Variants in PKD1L1 observed in about 807,000 individuals in gnomAD.
PKD1L1 encodes the protein polycystin-1-like protein 1.
Under a neutral mutation model 323.4 loss-of-function variants are expected in PKD1L1, and 236 were observed. That is an observed-to-expected ratio of 0.73 (90% CI 0.66 to 0.81). PKD1L1 has a LOEUF of 0.81. Among genes scored for constraint, PKD1L1 ranks in the 40% least tolerant of loss-of-function variants. PKD1L1 has a pLI of 0.00. For missense variants in PKD1L1, 3,320 were observed against 3,508.0 expected (o/e 0.95, Z 1.35); for synonymous variants, 1,344 against 1,335.0 (o/e 1.01, Z -0.15).
rs556760870 is a variant in PKD1L1 at position 47,865,986 on chromosome 7, C to T, written c.4092+433G>A. Among the ~76,000 whole-genome samples, 3 of 152,214 alleles carry T rather than the reference C, an allele frequency of 2.0e-5. No homozygotes were observed. The South Asian group carries it at 6.2e-4, about 32-fold the overall frequency. On this transcript the variant is annotated intron_variant, in intron 25 of 56. Transcript: ENST00000289672. ...AAGTTGTAATGAAATAAGATATATT[C>T]TTTGTAGATGTGAATATTCTCTATT...
rs145419270 is a variant in PKD1L1, at chr7:47,875,086, C to T, written c.3784+1011G>A. Among the ~76,000 whole-genome samples, 729 of 152,286 alleles carry T rather than the reference C, an allele frequency of 4.8e-3. 6 individuals are homozygous for T. Among genetic ancestry groups the T allele is most frequent in the African/African-American group, 0.017 (703 of 41,550 alleles). ...CCTTCTATTGGAACATTTGCCCAGC[C>T]TAAGTCTCACATAACCCCGTACGCA... On this transcript the variant is annotated intron_variant, in intron 23 of 56. Coordinates refer to ENST00000289672, the MANE Select transcript of PKD1L1 (RefSeq NM_138295.5).
chr7:47,902,734 G>A (rs1238808992), intron 12 of PKD1L1, among the ~76,000 whole-genome samples: 1 of 152,156 alleles, frequency 6.6e-6, no homozygotes, highest in African/African-American at 2.4e-5. Flanking sequence ...GCCAGGCCAA[G>A]TACCAAACTC....
chr7:47,911,545 C>A (rs191264235), intron 8 of PKD1L1, among the ~76,000 whole-genome samples: 1 of 152,082 alleles, frequency 6.6e-6, no homozygotes, highest in Admixed American at 6.5e-5. Context: ...TAGAGCAAGT[C>A]CTGATGTGAA....
chr7:47,939,964 C>T (rs904647060), intron 3 of PKD1L1, among the ~76,000 whole-genome samples: 1 of 152,232 alleles, frequency 6.6e-6, no homozygotes, highest in African/African-American at 2.4e-5. Flanking sequence ...AGGGCTATCC[C>T]CTACTCCTCT....
intron 28 of PKD1L1, among the ~76,000 whole-genome samples, chr7:47,855,875 C>CAAAAAAAAAAAAAAAAA (rs536157879): frequency 3.1e-5 from 1 of 32,548 alleles, no homozygotes; most frequent in African/African-American, 2.7e-4. Context: ...GACTCCGTCT[C>CAAAAAAAAAAAAAAAAA]AAAAAAAAAA....
At chr7:47,892,681 C>T (rs1786847536) in intron 15 of PKD1L1, among the ~76,000 whole-genome samples, 1 of 152,102 alleles carries the variant, frequency 6.6e-6, no homozygotes, top group Non-Finnish European at 1.5e-5. Context: ...CAAAACTGCA[C>T]TCATATCCCC....
Position 47,866,446 on chromosome 7 carries a change from T to C in PKD1L1, c.4065A>G (p.Ser1355=), listed in dbSNP as rs146886853. 6.2e-7 allele frequency: 1 copy of C among 1,613,572 alleles called. No homozygotes were observed. Among genetic ancestry groups the C allele is most frequent in the African/African-American group, 1.3e-5 (1 of 74,916 alleles). The change falls in exon 25 of 57, where the codon TCA becomes TCG. Residue 1355 remains serine, a synonymous_variant. Transcript: ENST00000289672. Reference sequence around the variant, plus strand: ...GATCTACAAAAGCCAATCTGCATACTGAAGAAATTAATGCATCCTGTATTC... The same window carrying C: ...GATCTACAAAAGCCAATCTGCATACCGAAGAAATTAATGCATCCTGTATTC... ...WSRIQDALIS[S]VCRLAFVDQE...
Position 47,837,058 on chromosome 7 carries a change from A to G in PKD1L1, c.5806T>C (p.Phe1936Leu), listed in dbSNP as rs145603221. ...CTGTACACCGACAGCCAGACATGGA[A>G]ATCCTCCAGGTACTCTGTGAACTTG... ...YCKFTEYLEDFHVWLSVYSRP... is the reference protein window; with the variant it reads ...YCKFTEYLEDLHVWLSVYSRP... The change falls in exon 37 of 57, where the codon TTC becomes CTC. Residue 1936 changes from phenylalanine to leucine, a missense_variant. Phe to Leu is a conservative substitution (Grantham distance 22). Transcript: ENST00000289672. The G allele has an allele frequency of 3.1e-6, 5 of 1,614,082 alleles. No homozygotes were observed. The African/African-American group carries it at 5.3e-5, about 17-fold the overall frequency.
intron 42 of PKD1L1, 38 bp downstream of exon 42, chr7:47,831,179 T>C (rs1785341249): frequency 6.3e-7 from 1 of 1,587,252 alleles, no homozygotes; most frequent in Middle Eastern, 1.7e-4. Context: ...ACTTTCCATC[T>C]GAGGACCTGA....
chr7:47,783,719 A>G (rs1156480993), intron 56 of PKD1L1, among the ~76,000 whole-genome samples: 1 of 152,212 alleles, frequency 6.6e-6, no homozygotes, highest in Non-Finnish European at 1.5e-5. Flanking sequence ...CAGATCCTTC[A>G]CCAGGGCCTT....
chr7:47,833,873 G>T (rs1785400269), intron 40 of PKD1L1, among the ~76,000 whole-genome samples: 1 of 152,180 alleles, frequency 6.6e-6, no homozygotes, highest in Admixed American at 6.5e-5. Flanking sequence ...CGTGTCACAG[G>T]CCTCTTTGAG....
At chr7:47,814,077 G>T in intron 47 of PKD1L1, 63 bp from the exon 48 acceptor site, 1 of 1,430,082 alleles carries the variant, frequency 7.0e-7, no homozygotes, top group Non-Finnish European at 9.8e-7. Flanking sequence ...TCCTCATCAA[G>T]CGTGCTCAAA....
chr7:47,872,520 C>A (rs1225815767), intron 24 of PKD1L1, among the ~76,000 whole-genome samples: 1 of 152,094 alleles, frequency 6.6e-6, no homozygotes, highest in Non-Finnish European at 1.5e-5. Context: ...ATACAGATAA[C>A]CTACATAAAA....
In PKD1L1 at chr7:47,890,646, A is replaced by C; in HGVS notation, c.2571T>G (p.Ser857Arg). Reference protein sequence around the residue: ...PTVSFEAQWLSDSYDQFLVML... With the variant: ...PTVSFEAQWLRDSYDQFLVML... Reference sequence around the variant, plus strand: ...TCACAAGGAACTGATCATAGCTGTCACTGAGCCATTGTGCCTCAAAGGAAA... The same window carrying C: ...TCACAAGGAACTGATCATAGCTGTCCCTGAGCCATTGTGCCTCAAAGGAAA... Residue 857 changes from serine to arginine, a missense_variant, in exon 16 of 57, where the codon AGT (serine) becomes AGG (arginine). Ser to Arg is a moderately radical substitution (Grantham distance 110, BLOSUM62 -1). Transcript: ENST00000289672. The C allele has an allele frequency of 6.2e-7, 1 of 1,614,160 alleles. No individual in the cohort carries two copies. Among genetic ancestry groups the C allele is most frequent in the Non-Finnish European group, 8.5e-7 (1 of 1,180,016 alleles).
chr7:47,855,264 A>G lies in PKD1L1; in HGVS notation c.4592T>C (p.Ile1531Thr). ...GAGGTTGAGGCCCACAACTCCACCA[A>G]TCTTGGGGAACAAAGACCATCTCAG... Reference protein sequence around the residue: ...PYPGSQAPGQIGGVVGLNLYT... With the variant: ...PYPGSQAPGQTGGVVGLNLYT... Residue 1531 changes from isoleucine (I) to threonine (T), a missense_variant and splice_region_variant, in exon 29 of 57, where the codon ATT becomes ACT. By Grantham distance (89) the Ile-to-Thr change is moderately conservative (BLOSUM62 -1). Coordinates refer to ENST00000289672, the MANE Select transcript of PKD1L1 (RefSeq NM_138295.5). 6.2e-7 allele frequency: 1 copy of G among 1,610,544 alleles called. No homozygotes were observed. Among genetic ancestry groups the G allele is most frequent in the Non-Finnish European group, 8.5e-7 (1 of 1,177,608 alleles).
intron 21 of PKD1L1, among the ~76,000 whole-genome samples, chr7:47,879,235 T>C (rs1786475932): frequency 6.6e-6 from 1 of 152,216 alleles, no homozygotes; most frequent in African/African-American, 2.4e-5. Flanking sequence ...GGTTTCCCAC[T>C]TGTATGACAA....
chr7:47,886,390 G>T (rs969812359), intron 17 of PKD1L1, among the ~76,000 whole-genome samples: 1 of 152,060 alleles, frequency 6.6e-6, no homozygotes, highest in Non-Finnish European at 1.5e-5. Flanking sequence ...AAAAACTTGG[G>T]ATGTATGGGG....
chr7:47,779,770 G>A (rs751672326), intron 56 of PKD1L1, among the ~76,000 whole-genome samples: 2 of 152,098 alleles, frequency 1.3e-5, no homozygotes, highest in Non-Finnish European at 2.9e-5. Flanking sequence ...GAGCAATTCG[G>A]GATGTCCAAA....
At chr7:47,902,134 C>T (rs1048253880) in intron 13 of PKD1L1, among the ~76,000 whole-genome samples, 2 of 152,214 alleles carry the variant, frequency 1.3e-5, no homozygotes, top group Non-Finnish European at 2.9e-5. Flanking sequence ...AGAACTTATT[C>T]ACACACCAGA....
Sources: allele counts gnomAD v4.1 joint callset (sites outside exome capture counted in the v4.1 genomes callset), GRCh38; gene constraint gnomAD v4.1.1; transcripts MANE v1.5; gene names NCBI Gene and HGNC (gene_info 2026-07-23, HGNC 2026-07-21).